The following PEA15 variants were observed in gnomAD, a reference collection of about 807,000 sequenced individuals.
PEA15 encodes proliferation and apoptosis adaptor protein 15, also known as astrocytic phosphoprotein PEA-15.
For missense variants in PEA15, 77 were observed against 161.3 expected (o/e 0.48, Z 2.83); for synonymous variants, 60 against 61.8 (o/e 0.97, Z 0.13).
At position 160,213,102 on chromosome 1, in the gene PEA15, T is replaced by G. The variant is rs749394342; in HGVS notation, c.173-8T>G. ...CTAGCTCTGACCCTATCTCCTGCCT[T>G]CCTCCAGACAACCTCTCCTACATTG... On this transcript the variant is annotated splice_region_variant and splice_polypyrimidine_tract_variant and intron_variant, in intron 2 of 3. Transcript: ENST00000360472. This position sits in a 1 kb window ranked among gnomAD's most constrained non-coding sequence, Gnocchi z 5.3. 1 of 1,614,036 alleles carries G rather than the reference T, an allele frequency of 6.2e-7. No individual in the cohort carries two copies. Among genetic ancestry groups the G allele is most frequent in the South Asian group, 1.1e-5 (1 of 91,068 alleles).
intron 1 of PEA15, among the ~76,000 whole-genome samples, chr1:160,209,369 G>T (rs912970294): frequency 3.3e-5 from 5 of 152,080 alleles, no homozygotes; most frequent in Admixed American, 6.5e-5. Context: ...GGGCCTCCTT[G>T]TATCTTTCAC....
At position 160,213,572 on chromosome 1, in the gene PEA15, C is replaced by A; in HGVS notation, c.*86C>A. 8.6e-7 allele frequency: 1 copy of A among 1,161,876 alleles called. No individual in the cohort carries two copies. 72.0% of individuals were successfully genotyped at this position (1,161,876 alleles called of 1,614,324 possible). A position where few individuals can be genotyped will look rare whatever the true frequency, so the allele number is the denominator to read the frequency against. Reference sequence around the variant, plus strand: ...TCCAGGAGAGGGGGCAAGGGCAACCCACCATCTACCCACTTACTAACCTGG... The same window carrying A: ...TCCAGGAGAGGGGGCAAGGGCAACCAACCATCTACCCACTTACTAACCTGG... On this transcript the variant is annotated 3_prime_UTR_variant, in exon 4 of 4. Coordinates refer to ENST00000360472, the MANE Select transcript of PEA15 (RefSeq NM_003768.5). This position sits in a 1 kb window ranked among gnomAD's most constrained non-coding sequence, Gnocchi z 5.3.
chr1:160,211,745 C>G, intron 2 of PEA15, 29 bp downstream of exon 2: 1 of 1,601,060 alleles, frequency 6.2e-7, no homozygotes, highest in Non-Finnish European at 8.5e-7. Flanking sequence ...GGGGTCCTGT[C>G]ATCAGTCATT....
chr1:160,212,916 G>A (rs187733226), intron 2 of PEA15, among the ~76,000 whole-genome samples, 194 bp from the exon 3 acceptor site: 62 of 152,196 alleles, frequency 4.1e-4, no homozygotes, highest in Admixed American at 1.2e-3. Context: ...CCCTTCCTGC[G>A]AACAGTCCTC....
Position 160,214,446 on chromosome 1 carries a change from G to A in PEA15, c.*960G>A, listed in dbSNP as rs531040513. Reference sequence around the variant, plus strand: ...CCCACCCCAATTCAATCCCGGAAGGGACTTACTTAGGAAACCCTTCTTTAC... The same window carrying A: ...CCCACCCCAATTCAATCCCGGAAGGAACTTACTTAGGAAACCCTTCTTTAC... On this transcript the variant is annotated 3_prime_UTR_variant, in exon 4 of 4. Coordinates refer to ENST00000360472, the MANE Select transcript of PEA15 (RefSeq NM_003768.5). 6.6e-6 allele frequency: 1 copy of A among 152,642 alleles called. No homozygotes were observed. The highest frequency in any genetic ancestry group is 2.1e-4 in the South Asian group (1 of 4,822). The allele number at this position is 152,642 out of a possible 1,614,324, so 9.5% of individuals were successfully genotyped here.
chr1:160,213,578 C>A lies in PEA15; in HGVS notation c.*92C>A. The stretch of plus-strand genomic sequence containing the variant: ...AGAGGGGGCAAGGGCAACCCACCAT[C>A]TACCCACTTACTAACCTGGTCCTAA... On this transcript the variant is annotated 3_prime_UTR_variant, in exon 4 of 4. Coordinates refer to ENST00000360472, the MANE Select transcript of PEA15 (RefSeq NM_003768.5). This position sits in a 1 kb window ranked among gnomAD's most constrained non-coding sequence, Gnocchi z 5.3. The A allele has an allele frequency of 9.0e-7, 1 of 1,106,068 alleles. No individual in the cohort carries two copies. Among genetic ancestry groups the A allele is most frequent in the Non-Finnish European group, 1.4e-6 (1 of 726,856 alleles). The allele number at this position is 1,106,068 out of a possible 1,614,324, so 68.5% of individuals were successfully genotyped here. A position where few individuals can be genotyped will look rare whatever the true frequency, so the allele number is the denominator to read the frequency against.
At position 160,208,970 on chromosome 1, in the gene PEA15, G is replaced by T; in HGVS notation, c.-2-2573G>T. The T allele has an allele frequency of 3.1e-6, 1 of 327,560 alleles. No homozygotes were observed. Among genetic ancestry groups the T allele is most frequent in the Non-Finnish European group, 5.7e-6 (1 of 176,656 alleles). 20.3% of individuals were successfully genotyped at this position (327,560 alleles called of 1,614,324 possible). A position where few individuals can be genotyped will look rare whatever the true frequency, so the allele number is the denominator to read the frequency against. Reference sequence around the variant, plus strand: ...AGCCTTCTATAGTTGTGGACTGTATGCTCTCCTCCCCCTCGCCCCCCATGC... The same window carrying T: ...AGCCTTCTATAGTTGTGGACTGTATTCTCTCCTCCCCCTCGCCCCCCATGC... On this transcript the variant is annotated intron_variant, in intron 1 of 3. Transcript: ENST00000360472. This position sits in a 1 kb window ranked among gnomAD's most constrained non-coding sequence, Gnocchi z 4.1.
At chr1:160,211,810 T>C in intron 2 of PEA15, 94 bp downstream of exon 2, 1 of 1,196,374 alleles carries the variant, frequency 8.4e-7, no homozygotes, top group South Asian at 1.4e-5. Context: ...ACATCCACAA[T>C]GTGTACCCCT....
At chr1:160,211,421 C>T in intron 1 of PEA15, 122 bp from the exon 2 acceptor site, 1 of 1,365,814 alleles carries the variant, frequency 7.3e-7, no homozygotes, top group Middle Eastern at 1.9e-4. Context: ...CACCTCCAGC[C>T]TCCATGTTCC....
At position 160,205,985 on chromosome 1, in the gene PEA15, A is replaced by G. The variant is rs1416939667; in HGVS notation, c.-3+463A>G. On this transcript the variant is annotated intron_variant, in intron 1 of 3. Transcript: ENST00000360472. This position sits in a 1 kb window ranked among gnomAD's most constrained non-coding sequence, Gnocchi z 5.9. ...GGTGGGCTTGGCGGAAAGCTTGTCC[A>G]GAGGGAAGGAGGAGCTGGGGGTGTA... The G allele has an allele frequency of 1.3e-5, 2 of 152,254 alleles. No homozygotes were observed. Among genetic ancestry groups the G allele is most frequent in the Non-Finnish European group, 2.9e-5 (2 of 68,054 alleles). The allele number at this position is 152,254 out of a possible 1,614,324, so 9.4% of individuals were successfully genotyped here. A position where few individuals can be genotyped will look rare whatever the true frequency, so the allele number is the denominator to read the frequency against.
intron 1 of PEA15, chr1:160,207,205 C>T (rs1384304414): frequency 6.6e-6 from 1 of 152,446 alleles, no homozygotes; most frequent in Non-Finnish European, 1.5e-5. Context: ...CTCAGGAGTC[C>T]TAAGTATTCA....
At position 160,208,504 on chromosome 1, in the gene PEA15, T is replaced by A; in HGVS notation, c.-3+2982T>A. ...GACTGCCTGGTGATCCCTGAGCAGC[T>A]CTCTGCACTGCTCCAGAAATCAGGA... On this transcript the variant is annotated intron_variant, in intron 1 of 3. Coordinates refer to ENST00000360472, the MANE Select transcript of PEA15 (RefSeq NM_003768.5). This position sits in a 1 kb window ranked among gnomAD's most constrained non-coding sequence, Gnocchi z 4.1. 1 of 1,069,120 alleles carries A rather than the reference T, an allele frequency of 9.4e-7. No individual in the cohort carries two copies. The highest frequency in any genetic ancestry group is 1.4e-6 in the Non-Finnish European group (1 of 713,542). The allele number at this position is 1,069,120 out of a possible 1,614,324, so 66.2% of individuals were successfully genotyped here. A position where few individuals can be genotyped will look rare whatever the true frequency, so the allele number is the denominator to read the frequency against.
chr1:160,212,041 C>T (rs1654893997), intron 2 of PEA15, among the ~76,000 whole-genome samples: 1 of 152,152 alleles, frequency 6.6e-6, no homozygotes, highest in Non-Finnish European at 1.5e-5. Flanking sequence ...GAGGGGAGAA[C>T]TCGAAGTGTA....
intron 1 of PEA15, among the ~76,000 whole-genome samples, chr1:160,206,758 A>G (rs554288210): frequency 6.6e-5 from 10 of 152,292 alleles, no homozygotes; most frequent in African/African-American, 2.4e-4. Flanking sequence ...AGAGTGCACT[A>G]AACAAATTAG....
intron 1 of PEA15, among the ~76,000 whole-genome samples, chr1:160,210,893 C>T (rs919284726): frequency 6.6e-5 from 10 of 152,250 alleles, no homozygotes; most frequent in Non-Finnish European, 1.2e-4. Context: ...TCCCCCACCT[C>T]GAACCCTAAT....
Position 160,213,487 on chromosome 1 carries a change from G to T in PEA15, c.*1G>T, listed in dbSNP as rs1654962116. The T allele has an allele frequency of 1.2e-6, 2 of 1,613,638 alleles. No homozygotes were observed. The highest frequency in any genetic ancestry group is 1.3e-5 in the African/African-American group (1 of 74,906). ...GGCTCCCCCACCGAAGAAGGCCTGA[G>T]CAAGGGGGAGGAAGAGGAGGAAGGT... is the stretch of plus-strand genomic sequence containing the variant. On this transcript the variant is annotated 3_prime_UTR_variant, in exon 4 of 4. Transcript: ENST00000360472. This position sits in a 1 kb window ranked among gnomAD's most constrained non-coding sequence, Gnocchi z 5.3.
At position 160,208,560 on chromosome 1, in the gene PEA15, T is replaced by A; in HGVS notation, c.-2-2983T>A. Reference sequence around the variant, plus strand: ...TTTCAGAGCCCAGAGAGCAGATTTCTCCACGAGCCCTAAGGAAATCTGAAT... The same window carrying A: ...TTTCAGAGCCCAGAGAGCAGATTTCACCACGAGCCCTAAGGAAATCTGAAT... On this transcript the variant is annotated intron_variant, in intron 1 of 3. Coordinates refer to ENST00000360472, the MANE Select transcript of PEA15 (RefSeq NM_003768.5). The surrounding 1 kb of genome is among the most constrained non-coding windows in gnomAD (Gnocchi z 4.1). 2.6e-6 allele frequency: 4 copies of A among 1,512,352 alleles called. No homozygotes were observed. The highest frequency in any genetic ancestry group is 2.7e-6 in the Non-Finnish European group (3 of 1,112,196). 93.7% of individuals were successfully genotyped at this position (1,512,352 alleles called of 1,614,324 possible). A position where few individuals can be genotyped will look rare whatever the true frequency, so the allele number is the denominator to read the frequency against.
rs1307094403 is a variant in PEA15, at chr1:160,208,597, A to T, written c.-2-2946A>T. The stretch of plus-strand genomic sequence containing the variant: ...AAGGAAATCTGAATCTCTGGTGAGG[A>T]AAGTGACATGGAGGATGAAGGAAAC... On this transcript the variant is annotated intron_variant, in intron 1 of 3. Coordinates refer to ENST00000360472, the MANE Select transcript of PEA15 (RefSeq NM_003768.5). This position sits in a 1 kb window ranked among gnomAD's most constrained non-coding sequence, Gnocchi z 4.1. 6.5e-7 allele frequency: 1 copy of T among 1,550,328 alleles called. No homozygotes were observed. The highest frequency in any genetic ancestry group is 1.2e-5 in the South Asian group (1 of 84,060).
At chr1:160,212,336 A>G (rs908333991) in intron 2 of PEA15, among the ~76,000 whole-genome samples, 6 of 152,132 alleles carry the variant, frequency 3.9e-5, no homozygotes, top group African/African-American at 1.2e-4. Context: ...TGGAAATGCA[A>G]TCAGTCCTGC....
Sources: gnomAD v4.1 joint callset for allele counts (sites outside exome capture counted in the v4.1 genomes callset) on GRCh38, gnomAD v4.1.1 for gene constraint, Gnocchi (gnomAD v3.1) non-coding constraint, MANE v1.5 for transcripts, NCBI Gene and HGNC (gene_info 2026-07-23, HGNC 2026-07-21) for gene names.